PDLIM1: variants seen among roughly 807,000 people sequenced by gnomAD.
PDLIM1 encodes PDZ and LIM domain protein 1.
In PDLIM1, 25 loss-of-function variants were observed where a neutral mutation model predicts 35.2. The observed-to-expected ratio is 0.71, with a 90% confidence interval of 0.52 to 0.99. The LOEUF is 0.99. PDLIM1 is among the 50% of genes least tolerant of loss of function. The probability of loss-of-function intolerance (pLI) is 0.00; values close to 1 mark genes in which losing one functional copy is unlikely to be tolerated. For synonymous variants in PDLIM1, 152 were observed against 154.0 expected (o/e 0.99, Z 0.10); for missense variants, 363 against 415.3 (o/e 0.87, Z 1.09).
intron 3 of PDLIM1, among the ~76,000 whole-genome samples, chr10:95,266,826 G>C (rs1269104386): frequency 6.6e-6 from 1 of 152,196 alleles, no homozygotes; most frequent in Non-Finnish European, 1.5e-5. Context: ...GGTCTTTCCA[G>C]AAAGCAGGCA....
At chr10:95,257,785 C>T (rs1316153031) in intron 4 of PDLIM1, among the ~76,000 whole-genome samples, 4 of 152,060 alleles carry the variant, frequency 2.6e-5, no homozygotes, top group African/African-American at 4.8e-5. Context: ...TCCAGCAATC[C>T]CACTTTTGAT....
chr10:95,275,273 C>A (rs955506340), intron 1 of PDLIM1, among the ~76,000 whole-genome samples: 4 of 152,194 alleles, frequency 2.6e-5, no homozygotes, highest in Non-Finnish European at 5.9e-5. Context: ...AAACCCCTAG[C>A]CTTCAACTTT....
At chr10:95,268,262 T>A (rs1222181150) in intron 3 of PDLIM1, among the ~76,000 whole-genome samples, 1 of 152,224 alleles carries the variant, frequency 6.6e-6, no homozygotes, top group Non-Finnish European at 1.5e-5. Context: ...TTAGTAATTT[T>A]AAAGTCTCAC....
At chr10:95,246,794 G>A (rs561094212) in intron 5 of PDLIM1, among the ~76,000 whole-genome samples, 13 of 152,144 alleles carry the variant, frequency 8.5e-5, no homozygotes, top group Non-Finnish European at 1.5e-4. Context: ...TGGCTTCACC[G>A]AGCACTAATT....
At chr10:95,240,953 C>T (rs902099425) in intron 5 of PDLIM1, among the ~76,000 whole-genome samples, 1 of 152,102 alleles carries the variant, frequency 6.6e-6, no homozygotes, top group African/African-American at 2.4e-5. Context: ...CTGGGCCCCA[C>T]CCCCAGAGTT....
At chr10:95,274,148 T>A (rs1203209805) in intron 1 of PDLIM1, among the ~76,000 whole-genome samples, 3 of 152,158 alleles carry the variant, frequency 2.0e-5, no homozygotes, top group African/African-American at 7.2e-5. Flanking sequence ...CCCACTGGGC[T>A]CCAGCTACAG....
chr10:95,237,937 C>A lies in PDLIM1; in HGVS notation c.978G>T (p.Val326=). The A allele has an allele frequency of 6.2e-7, 1 of 1,614,002 alleles. No homozygotes were observed. Among genetic ancestry groups the A allele is most frequent in the Non-Finnish European group, 8.5e-7 (1 of 1,179,918 alleles). The change falls in exon 7 of 7, where the codon GTG becomes GTT. Residue 326 remains valine (V), a synonymous_variant. Coordinates refer to ENST00000329399, the MANE Select transcript of PDLIM1 (RefSeq NM_020992.4). ...CAGATCTGCTGGCTCACTTGGGGAACACAGTGACCACTTCATAACCCTCAG... is the reference window on the plus strand; with the variant it reads ...CAGATCTGCTGGCTCACTTGGGGAAAACAGTGACCACTTCATAACCCTCAG... The part of the protein sequence containing the change: ...TPPEGYEVVT[V]FPK
At chr10:95,264,150 G>T in intron 3 of PDLIM1, 87 bp from the exon 4 acceptor site, 7 of 1,103,776 alleles carry the variant, frequency 6.3e-6, no homozygotes, top group Admixed American at 2.0e-5. Flanking sequence ...CCAGGGAGAG[G>T]TGTTCCAGCT....
intron 5 of PDLIM1, among the ~76,000 whole-genome samples, chr10:95,239,567 G>A (rs542860303): frequency 2.6e-5 from 4 of 152,156 alleles, no homozygotes; most frequent in Non-Finnish European, 4.4e-5. Flanking sequence ...AGGCCGAGGT[G>A]GGTGGATCAC....
intron 3 of PDLIM1, among the ~76,000 whole-genome samples, chr10:95,265,928 G>A (rs2035413282): frequency 1.3e-5 from 2 of 150,742 alleles, no homozygotes; most frequent in South Asian, 4.2e-4. Flanking sequence ...GCCAGGCACG[G>A]TGGCTCATTC....
At chr10:95,262,199 A>T (rs757444437) in intron 4 of PDLIM1, among the ~76,000 whole-genome samples, 3 of 152,134 alleles carry the variant, frequency 2.0e-5, no homozygotes, top group Non-Finnish European at 4.4e-5. Context: ...CAAACATTTA[A>T]GTAGTTTGGA....
intron 1 of PDLIM1, among the ~76,000 whole-genome samples, chr10:95,275,878 G>A (rs941973258): frequency 1.3e-5 from 2 of 151,376 alleles, no homozygotes; most frequent in Admixed American, 6.6e-5. Flanking sequence ...CTATCTTTCA[G>A]TATAATTTCT....
intron 4 of PDLIM1, among the ~76,000 whole-genome samples, chr10:95,252,333 G>C (rs1936656432): frequency 6.6e-6 from 1 of 152,184 alleles, no homozygotes; most frequent in African/African-American, 2.4e-5. Flanking sequence ...TGGCCCCAAT[G>C]ACCTCAGGTG....
At chr10:95,246,239 G>C (rs1438161988) in intron 5 of PDLIM1, among the ~76,000 whole-genome samples, 1 of 152,208 alleles carries the variant, frequency 6.6e-6, no homozygotes, top group Non-Finnish European at 1.5e-5. Context: ...GGAACTACCA[G>C]GGAAGAAGCG....
At chr10:95,276,567 ACT>A (rs2035513137) in intron 1 of PDLIM1, among the ~76,000 whole-genome samples, 1 of 152,212 alleles carries the variant, frequency 6.6e-6, no homozygotes, top group African/African-American at 2.4e-5. Context: ...CTTGCCAAAC[ACT>A]ATTTATCACA....
At chr10:95,241,291 T>A (rs557017600) in intron 5 of PDLIM1, among the ~76,000 whole-genome samples, 1 of 152,354 alleles carries the variant, frequency 6.6e-6, no homozygotes, top group East Asian at 1.9e-4. Context: ...CGCTATGTTG[T>A]GTCTCAAAGT....
chr10:95,238,830 C>T (rs1196039479), intron 5 of PDLIM1, 145 bp from the exon 6 acceptor site: 2 of 583,010 alleles, frequency 3.4e-6, no homozygotes, highest in African/African-American at 1.9e-5. Context: ...GGGCAAGTAA[C>T]TTAGCCTCTC....
chr10:95,239,021 A>ACAGAG (rs2035151989), intron 5 of PDLIM1, among the ~76,000 whole-genome samples: 1 of 83,114 alleles, frequency 1.2e-5, no homozygotes, highest in Non-Finnish European at 3.1e-5. Flanking sequence ...AGAACAGAGA[A>ACAGAG]CAGAGAACCC....
chr10:95,241,117 G>A (rs766728338), intron 5 of PDLIM1, among the ~76,000 whole-genome samples: 3 of 152,320 alleles, frequency 2.0e-5, no homozygotes, highest in Admixed American at 6.5e-5. Context: ...CTGCAGTCAC[G>A]TCGGGCAATC....
Sources: allele counts gnomAD v4.1 joint callset (sites outside exome capture counted in the v4.1 genomes callset), GRCh38; gene constraint gnomAD v4.1.1; transcripts MANE v1.5; gene names NCBI Gene and HGNC (gene_info 2026-07-23, HGNC 2026-07-21).